Variants in BLK observed in about 807,000 individuals in gnomAD.
The protein encoded by BLK is tyrosine-protein kinase Blk.
A neutral mutation model predicts 61.8 loss-of-function variants in BLK; 64 were observed. That is an observed-to-expected ratio of 1.03 (90% CI 0.85 to 1.27). BLK has a LOEUF of 1.27. Among genes scored for constraint, BLK ranks in the 50% most tolerant of loss-of-function variants. The pLI, the probability that BLK is intolerant of heterozygous loss-of-function variation, is 0.00. For missense variants in BLK, 853 were observed against 660.5 expected, an observed-to-expected ratio of 1.29 and a Z score of -3.19; for synonymous variants, 351 against 272.0, an observed-to-expected ratio of 1.29 and a Z score of -2.86.
At chr8:11,515,596 C>G (rs555069159) in intron 1 of BLK, among the ~76,000 whole-genome samples, 143 of 152,312 alleles carry the variant, frequency 9.4e-4, no homozygotes, top group Non-Finnish European at 1.5e-3. Flanking sequence ...TTCCCCCTTC[C>G]TTCCATTTTC....
At position 11,561,292 on chromosome 8, in the gene BLK, G is replaced by A; in HGVS notation, c.1030-10G>A. ...CCAGGCTGTCCTTCACCATGTGCCT[G>A]TTCCCTCAGATTGCTGAAGGGATGG... On this transcript the variant is annotated splice_polypyrimidine_tract_variant and intron_variant, in intron 10 of 12. Transcript: ENST00000259089. 18 of 1,612,200 alleles carry A rather than the reference G, an allele frequency of 1.1e-5. No homozygotes were observed. The highest frequency in any genetic ancestry group is 1.5e-5 in the Non-Finnish European group (18 of 1,179,134).
intron 2 of BLK, among the ~76,000 whole-genome samples, chr8:11,544,867 C>G (rs567679247): frequency 7.9e-5 from 12 of 152,132 alleles, no homozygotes; most frequent in Middle Eastern, 3.4e-3. Context: ...AAGAATACAC[C>G]AAAACGCACA....
At chr8:11,531,053 G>A (rs574716137) in intron 1 of BLK, among the ~76,000 whole-genome samples, 2 of 152,130 alleles carry the variant, frequency 1.3e-5, no homozygotes, top group Non-Finnish European at 2.9e-5. Context: ...TTGTGTGGTG[G>A]CATTTCACTG....
chr8:11,557,386 C>T (rs921702497), intron 9 of BLK, among the ~76,000 whole-genome samples: 27 of 152,170 alleles, frequency 1.8e-4, no homozygotes, highest in African/African-American at 6.5e-4. Context: ...ATATAGCTCC[C>T]TAACAACTGT....
intron 1 of BLK, among the ~76,000 whole-genome samples, chr8:11,500,138 T>C (rs1447219745): frequency 1.3e-5 from 2 of 152,328 alleles, no homozygotes; most frequent in African/African-American, 2.4e-5. Flanking sequence ...ATTACAGTTA[T>C]AGAAATAGCT....
intron 1 of BLK, among the ~76,000 whole-genome samples, chr8:11,510,458 A>G (rs1349719056): frequency 2.6e-5 from 4 of 152,106 alleles, no homozygotes; most frequent in African/African-American, 9.7e-5. Flanking sequence ...AAGTCCATGA[A>G]TGATTGTGGG....
intron 1 of BLK, among the ~76,000 whole-genome samples, chr8:11,508,819 G>C (rs1798881536): frequency 6.6e-6 from 1 of 152,226 alleles, no homozygotes; most frequent in Admixed American, 6.5e-5. Context: ...GGGGCCATCA[G>C]ACAAGGGAGC....
At chr8:11,508,046 G>A (rs1050307046) in intron 1 of BLK, among the ~76,000 whole-genome samples, 19 of 152,186 alleles carry the variant, frequency 1.2e-4, no homozygotes, top group Non-Finnish European at 2.4e-4. Context: ...CAAACCTAAA[G>A]TCATGTGGTC....
At position 11,550,179 on chromosome 8, in the gene BLK, G is replaced by T; in HGVS notation, c.389G>T (p.Gly130Val). Residue 130 changes from glycine (G) to valine (V), a missense_variant, in exon 6 of 13, where the codon GGT becomes GTT. By Grantham distance (109) the Gly-to-Val change is moderately radical (BLOSUM62 -3). Transcript: ENST00000259089. ...TCCAGGTGGTTCTTTAGATCACAGG[G>T]TCGGAAGGAGGCTGAGAGGCAGCTT... ...EMERWFFRSQ[G>V]RKEAERQLLA... 1 of 1,614,144 alleles carries T rather than the reference G, an allele frequency of 6.2e-7. No individual in the cohort carries two copies. Among genetic ancestry groups the T allele is most frequent in the Non-Finnish European group, 8.5e-7 (1 of 1,180,024 alleles).
At chr8:11,511,216 G>C (rs1798991793) in intron 1 of BLK, among the ~76,000 whole-genome samples, 1 of 152,132 alleles carries the variant, frequency 6.6e-6, no homozygotes, top group South Asian at 2.1e-4. Flanking sequence ...CCTGAATACA[G>C]CTCGGTCTTT....
At chr8:11,548,594 G>C (rs1480116842) in intron 4 of BLK, among the ~76,000 whole-genome samples, 1 of 152,192 alleles carries the variant, frequency 6.6e-6, no homozygotes, top group Admixed American at 6.5e-5. Flanking sequence ...TCAGTGGCCA[G>C]GCTTGTCCTG....
At chr8:11,526,701 A>C (rs561180557) in intron 1 of BLK, among the ~76,000 whole-genome samples, 1 of 152,210 alleles carries the variant, frequency 6.6e-6, no homozygotes, top group Non-Finnish European at 1.5e-5. Context: ...CCTGGGGGAC[A>C]GAGCAAGACT....
At chr8:11,507,716 C>T (rs914849183) in intron 1 of BLK, among the ~76,000 whole-genome samples, 11 of 152,092 alleles carry the variant, frequency 7.2e-5, no homozygotes, top group Non-Finnish European at 1.0e-4. Flanking sequence ...TCAGCCAGGC[C>T]TAGGGTGCAG....
chr8:11,555,808 C>A (rs549406879), intron 8 of BLK: 22 of 409,166 alleles, frequency 5.4e-5, no homozygotes, highest in African/African-American at 3.9e-4. Context: ...CTTAGCTTTT[C>A]ATCACCCAGA....
chr8:11,552,470 A>G (rs531762872), intron 6 of BLK: 1 of 152,360 alleles, frequency 6.6e-6, no homozygotes, highest in Admixed American at 6.5e-5. Flanking sequence ...TGTACAAGAA[A>G]TAATTTGGGA....
chr8:11,534,920 A>T (rs1018035606), intron 1 of BLK, among the ~76,000 whole-genome samples: 3 of 152,174 alleles, frequency 2.0e-5, no homozygotes, highest in African/African-American at 7.2e-5. Flanking sequence ...CCTGTATCCA[A>T]CCCAGAACTT....
rs142449158 is a variant in BLK, at chr8:11,559,080, C to T, written c.1029+1042C>T. ...TGCTGCTTCCTTTCCCCTTCCTTCT[C>T]TCACCCTCCGCTGTCTCCTATTCAA... On this transcript the variant is annotated intron_variant, in intron 10 of 12. Transcript: ENST00000259089. 2.7e-5 allele frequency: 12 copies of T among 446,884 alleles called. No homozygotes were observed. The East Asian group carries it at 8.4e-4, about 31-fold the overall frequency. 27.7% of individuals were successfully genotyped at this position (446,884 alleles called of 1,614,324 possible).
intron 1 of BLK, among the ~76,000 whole-genome samples, 193 bp from the exon 2 acceptor site, chr8:11,543,031 C>T (rs1334240848): frequency 6.6e-6 from 1 of 152,084 alleles, no homozygotes; most frequent in Non-Finnish European, 1.5e-5. Flanking sequence ...TGTATGGGCC[C>T]CCGAAAAAAG....
chr8:11,555,650 G>A, intron 8 of BLK, 166 bp downstream of exon 8: 1 of 1,116,202 alleles, frequency 9.0e-7, no homozygotes, highest in Non-Finnish European at 1.3e-6. Context: ...AAGTGGAGGT[G>A]CAGAGCCGCG....
Sources: allele counts gnomAD v4.1 joint callset (sites outside exome capture counted in the v4.1 genomes callset), GRCh38; gene constraint gnomAD v4.1.1; transcripts MANE v1.5; gene names NCBI Gene and HGNC (gene_info 2026-07-23, HGNC 2026-07-21).